The following PCDH10 variants were observed in gnomAD, a reference collection of about 807,000 sequenced individuals.
The protein encoded by PCDH10 is protocadherin-10.
In PCDH10, 15 loss-of-function variants were observed where a neutral mutation model predicts 74.4. That is an observed-to-expected ratio of 0.20 (90% confidence interval 0.13 to 0.31). The LOEUF (loss-of-function observed/expected upper bound fraction) is 0.31. Among genes scored for constraint, PCDH10 ranks in the 10% least tolerant of loss-of-function variants. The probability of loss-of-function intolerance (pLI) is 1.00; values close to 1 mark genes in which losing one functional copy is unlikely to be tolerated. For synonymous variants in PCDH10, 619 were observed against 589.8 expected (o/e 1.05, Z -0.72); for missense variants, 1,260 against 1,390.2 (o/e 0.91, Z 1.49).
At chr4:133,177,550 A>G (rs1727320411) in intron 4 of PCDH10, among the ~76,000 whole-genome samples, 1 of 152,130 alleles carries the variant, frequency 6.6e-6, no homozygotes, top group Non-Finnish European at 1.5e-5. Flanking sequence ...AGACCTAACA[A>G]CTAAGTTTTA....
chr4:133,195,244 G>A (rs1727771937), downstream of PCDH10, among the ~76,000 whole-genome samples: 1 of 152,030 alleles, frequency 6.6e-6, no homozygotes, highest in African/African-American at 2.4e-5. Context: ...TGTGTTCTCT[G>A]TAACTGATTT....
chr4:133,168,711 T>C (rs1424165763), intron 4 of PCDH10, among the ~76,000 whole-genome samples: 1 of 151,628 alleles, frequency 6.6e-6, no homozygotes, highest in Non-Finnish European at 1.5e-5. Flanking sequence ...ATTATCCAGC[T>C]ATGCATATTA....
At chr4:133,199,399 T>G (rs1425904706), downstream of PCDH10, among the ~76,000 whole-genome samples, 1 of 151,192 alleles carries the variant, frequency 6.6e-6, no homozygotes, top group Admixed American at 6.6e-5. Context: ...AAGAGACTAC[T>G]GTGAATCTCT....
chr4:133,177,539 G>A (rs1040717657), intron 4 of PCDH10, among the ~76,000 whole-genome samples: 2 of 152,034 alleles, frequency 1.3e-5, no homozygotes, highest in African/African-American at 4.8e-5. Flanking sequence ...CAAATAACAA[G>A]AGACCTAACA....
At chr4:133,174,210 T>C (rs1261184597) in intron 4 of PCDH10, among the ~76,000 whole-genome samples, 1 of 151,974 alleles carries the variant, frequency 6.6e-6, no homozygotes, top group Non-Finnish European at 1.5e-5. Flanking sequence ...AATTGCCTAC[T>C]ACCCTTAAAC....
chr4:133,186,684 C>G (rs183070854), intron 4 of PCDH10, among the ~76,000 whole-genome samples: 1 of 152,002 alleles, frequency 6.6e-6, no homozygotes, highest in East Asian at 1.9e-4. Context: ...TGCTACTTGT[C>G]CAACATTAGG....
At chr4:133,205,181 T>C (rs1439042195) in intron 2 of PCDH10, among the ~76,000 whole-genome samples, 1 of 152,130 alleles carries the variant, frequency 6.6e-6, no homozygotes, top group African/African-American at 2.4e-5. Context: ...GAGGCCTTCC[T>C]AGTGACGCCA....
intron 4 of PCDH10, among the ~76,000 whole-genome samples, chr4:133,183,966 A>G (rs780887180): frequency 1.5e-4 from 23 of 152,260 alleles, no homozygotes; most frequent in South Asian, 2.1e-4. Context: ...TTATTTTTAA[A>G]TATCCCTGGA....
rs554279672 is a variant in PCDH10 at position 133,191,575 on chromosome 4, G to C, written c.*1415G>C. The C allele has an allele frequency of 6.6e-6, 1 of 151,884 alleles. No individual in the cohort carries two copies. Among genetic ancestry groups the C allele is most frequent in the Admixed American group, 6.6e-5 (1 of 15,146 alleles). The allele number at this position is 151,884 out of a possible 1,614,324, so 9.4% of individuals were successfully genotyped here. A position where few individuals can be genotyped will look rare whatever the true frequency, so the allele number is the denominator to read the frequency against. On this transcript the variant is annotated 3_prime_UTR_variant, in exon 5 of 5. Transcript: ENST00000264360. ...TATTAATTATTAAATTTAGTAAGAC[G>C]CACTTTCCTTTCTTTTATATATTTT...
At chr4:133,176,950 A>T (rs1157134501) in intron 4 of PCDH10, among the ~76,000 whole-genome samples, 1 of 152,104 alleles carries the variant, frequency 6.6e-6, no homozygotes, top group Admixed American at 6.6e-5. Context: ...TTGTAGAAAA[A>T]TAAAGGATTT....
intron 4 of PCDH10, among the ~76,000 whole-genome samples, chr4:133,171,699 G>C (rs991486295): frequency 6.6e-6 from 1 of 152,158 alleles, no homozygotes; most frequent in Non-Finnish European, 1.5e-5. Context: ...TAATGTTACA[G>C]CTTGGCAGTT....
chr4:133,150,167 G>A lies in PCDH10; in HGVS notation c.27G>A (p.Leu9=). The change falls in exon 1 of 5, where the codon TTG becomes TTA. Residue 9 remains leucine (L), a synonymous_variant. Transcript: ENST00000264360. ...TGATTGTGCTATTATTGTTTGCCTT[G>A]CTCTGGATGGTGGAAGGAGTCTTTT... MIVLLLFA[L]LWMVEGVFSQ... is the part of the protein sequence containing the mutation. 1.3e-6 allele frequency: 2 copies of A among 1,582,270 alleles called. No individual in the cohort carries two copies. Among genetic ancestry groups the A allele is most frequent in the Non-Finnish European group, 1.7e-6 (2 of 1,165,366 alleles).
chr4:133,201,493 G>C (rs1242511159), intron 2 of PCDH10, among the ~76,000 whole-genome samples: 2 of 152,162 alleles, frequency 1.3e-5, no homozygotes, highest in East Asian at 3.9e-4. Context: ...TCCCACTAGC[G>C]GATGTAATTG....
At chr4:133,155,060 T>A (rs1351358833) in intron 3 of PCDH10, 37 bp downstream of exon 3, 2 of 1,371,050 alleles carry the variant, frequency 1.5e-6, no homozygotes, top group Non-Finnish European at 2.1e-6. Context: ...ATGCTAACTT[T>A]TATAGTTTTT....
chr4:133,202,968 A>G (rs945329864), intron 2 of PCDH10, among the ~76,000 whole-genome samples: 1 of 152,156 alleles, frequency 6.6e-6, no homozygotes, highest in Non-Finnish European at 1.5e-5. Context: ...AGAGTATATT[A>G]GAGGATCAAG....
At position 133,191,998 on chromosome 4, in the gene PCDH10, T is replaced by TACACACACACACAC. The variant is rs1560716555; in HGVS notation, c.*1839_*1840insCACACACACACACA. 0.011 allele frequency: 1,501 copies of TACACACACACACAC among 133,030 alleles called. 24 individuals carry two copies. The highest frequency in any genetic ancestry group is 0.042 in the African/African-American group (1,416 of 33,808). 8.2% of individuals were successfully genotyped at this position (133,030 alleles called of 1,614,324 possible). ...ACACACACACACACACACACACACTTAGGTCCTGATATGTACATTTAGAGT... is the reference window on the plus strand; with the variant it reads ...ACACACACACACACACACACACACTTACACACACACACACAGGTCCTGATATGTACATTTAGAGT... On this transcript the variant is annotated 3_prime_UTR_variant, in exon 5 of 5. Coordinates refer to ENST00000264360, the MANE Select transcript of PCDH10 (RefSeq NM_032961.3).
chr4:133,195,508 T>C (rs917048159), downstream of PCDH10, among the ~76,000 whole-genome samples: 6 of 152,112 alleles, frequency 3.9e-5, no homozygotes, highest in Admixed American at 1.3e-4. Context: ...CTGGGAAATA[T>C]AGACTCTTTA....
chr4:133,150,576 G>T lies in PCDH10; in HGVS notation c.436G>T (p.Ala146Ser). ...TPGTRFPLESAFDPDVGTNSL... is the reference protein window; with the variant it reads ...TPGTRFPLESSFDPDVGTNSL... The stretch of plus-strand genomic sequence containing the variant: ...AGGCACTCGCTTCCCCTTGGAGAGC[G>T]CATTCGACCCAGACGTGGGCACCAA... Residue 146 changes from alanine to serine, a missense_variant, in exon 1 of 5, where the codon GCA becomes TCA. By Grantham distance (99) the Ala-to-Ser change is moderately conservative. This residue lies in a region of PCDH10 where 63 missense variants were observed against 100.7 expected (regional missense o/e 0.63). Transcript: ENST00000264360. 6.2e-7 allele frequency: 1 copy of T among 1,613,700 alleles called. No homozygotes were observed. The highest frequency in any genetic ancestry group is 8.5e-7 in the Non-Finnish European group (1 of 1,179,996).
chr4:133,167,714 T>A (rs533702390), intron 4 of PCDH10, among the ~76,000 whole-genome samples: 1 of 151,624 alleles, frequency 6.6e-6, no homozygotes, highest in South Asian at 2.1e-4. Context: ...CCTGTTCTTT[T>A]ACTCTTTTAT....
Sources: gnomAD v4.1 joint callset for allele counts (sites outside exome capture counted in the v4.1 genomes callset) on GRCh38, gnomAD v4.1.1 for gene constraint, gnomAD v4.1.1 regional missense constraint, MANE v1.5 for transcripts, NCBI Gene and HGNC (gene_info 2026-07-23, HGNC 2026-07-21) for gene names.